The following L2HGDH variants were observed in gnomAD, a reference collection of about 807,000 sequenced individuals.
L2HGDH encodes L-2-hydroxyglutarate dehydrogenase, mitochondrial.
A neutral mutation model predicts 51.5 loss-of-function variants in L2HGDH; 34 were observed. That is an observed-to-expected ratio of 0.66 (90% CI 0.50 to 0.88). The LOEUF is 0.88. Ranked by LOEUF, L2HGDH falls within the 40% of genes least tolerant of loss-of-function variation. The pLI is 0.00. For missense variants in L2HGDH, 558 were observed against 571.9 expected (o/e 0.98, Z 0.25); for synonymous variants, 198 against 197.9 (o/e 1.00, Z -0.01).
intron 1 of L2HGDH, among the ~76,000 whole-genome samples, chr14:50,310,732 T>C (rs902227162): frequency 1.3e-5 from 2 of 151,864 alleles, no homozygotes; most frequent in Non-Finnish European, 2.9e-5. Flanking sequence ...ACATTTTAAG[T>C]ATAAACAAAA....
chr14:50,284,275 C>A (rs2139163790), intron 4 of L2HGDH, among the ~76,000 whole-genome samples: 1 of 152,266 alleles, frequency 6.6e-6, no homozygotes, highest in Non-Finnish European at 1.5e-5. Context: ...TAAATAAGCT[C>A]TAGTGAGATT....
chr14:50,271,835 CA>C (rs1157394732), intron 6 of L2HGDH, among the ~76,000 whole-genome samples: 1 of 151,978 alleles, frequency 6.6e-6, no homozygotes, highest in Admixed American at 6.6e-5. Context: ...ATCCTACCTG[CA>C]AAAATTTATT....
intron 9 of L2HGDH, among the ~76,000 whole-genome samples, chr14:50,250,309 G>A (rs1255668420): frequency 6.6e-6 from 1 of 152,208 alleles, no homozygotes; most frequent in South Asian, 2.1e-4. Flanking sequence ...ACAAGCTGAT[G>A]GAAGAGCCCT....
At chr14:50,292,822 T>A (rs1269189215) in intron 4 of L2HGDH, among the ~76,000 whole-genome samples, 2 of 151,694 alleles carry the variant, frequency 1.3e-5, no homozygotes, top group Non-Finnish European at 2.9e-5. Flanking sequence ...GAGATGGAGG[T>A]TGCAGTAAGC....
chr14:50,274,677 C>T (rs1364598911), intron 6 of L2HGDH, among the ~76,000 whole-genome samples: 1 of 152,138 alleles, frequency 6.6e-6, no homozygotes, highest in African/African-American at 2.4e-5. Flanking sequence ...TTTTCATGTT[C>T]ATTGCAGCAT....
chr14:50,265,208 TCAA>T, intron 9 of L2HGDH, 147 bp downstream of exon 9: 1 of 658,812 alleles, frequency 1.5e-6, no homozygotes, highest in Admixed American at 2.5e-5. Context: ...CAAAGGGAAT[TCAA>T]CAACATGTTG....
chr14:50,287,623 A>G (rs1298760253), intron 4 of L2HGDH, among the ~76,000 whole-genome samples: 1 of 150,754 alleles, frequency 6.6e-6, no homozygotes, highest in Non-Finnish European at 1.5e-5. Flanking sequence ...CACATCAATG[A>G]AAGTTTTTTT....
Position 50,265,497 on chromosome 14 carries a change from CAG to C in L2HGDH, c.1065-10_1065-9del, listed in dbSNP as rs749684679. The C allele has an allele frequency of 5.0e-6, 8 of 1,609,550 alleles. No homozygotes were observed. Among genetic ancestry groups the C allele is most frequent in the Non-Finnish European group, 6.8e-6 (8 of 1,177,426 alleles). On this transcript the variant is annotated splice_polypyrimidine_tract_variant and intron_variant, in intron 8 of 9. Coordinates refer to ENST00000267436, the MANE Select transcript of L2HGDH (RefSeq NM_024884.3). The stretch of plus-strand genomic sequence containing the variant: ...GCCAGTTTAATCAAGCCACTGAAAA[CAG>C]AGAAAAAAAATCTTTATGAGAGAAA...
At chr14:50,247,368 G>T in intron 9 of L2HGDH, 115 bp from the exon 10 acceptor site, 1 of 1,490,110 alleles carries the variant, frequency 6.7e-7, no homozygotes, top group Middle Eastern at 2.3e-4. Flanking sequence ...ACAATTATAT[G>T]GAAACCCAAT....
At position 50,283,866 on chromosome 14, in the gene L2HGDH, C is replaced by A; in HGVS notation, c.703+5G>T. ...TATTCAATAGAAAAGACAAGGATGG[C>A]TTACCATCTATACTTCTTGAAGGAC... On this transcript the variant is annotated splice_donor_5th_base_variant and intron_variant, in intron 5 of 9. Transcript: ENST00000267436. 1 of 1,613,344 alleles carries A rather than the reference C, an allele frequency of 6.2e-7. No individual in the cohort carries two copies. Among genetic ancestry groups the A allele is most frequent in the Non-Finnish European group, 8.5e-7 (1 of 1,179,430 alleles).
chr14:50,283,184 G>C (rs1359773145), intron 5 of L2HGDH, among the ~76,000 whole-genome samples: 2 of 151,342 alleles, frequency 1.3e-5, no homozygotes, highest in African/African-American at 4.9e-5. Flanking sequence ...CTAGGCAACA[G>C]AGCAAGACCC....
intron 1 of L2HGDH, among the ~76,000 whole-genome samples, chr14:50,310,116 C>A (rs1276721368): frequency 6.6e-6 from 1 of 152,074 alleles, no homozygotes; most frequent in Non-Finnish European, 1.5e-5. Context: ...TGAACAATGT[C>A]CGTGGATTTT....
chr14:50,263,469 A>G (rs75408779), intron 9 of L2HGDH, among the ~76,000 whole-genome samples: 1,547 of 152,342 alleles, frequency 0.01, 22 homozygotes, highest in African/African-American at 0.035. Context: ...ACGCTCCCCT[A>G]AGAGAGACAG....
intron 9 of L2HGDH, among the ~76,000 whole-genome samples, chr14:50,254,429 G>GCA (rs1220056074): frequency 6.6e-6 from 1 of 152,106 alleles, no homozygotes; most frequent in Non-Finnish European, 1.5e-5. Context: ...GGGTAGAGAC[G>GCA]CATATGTTTA....
In L2HGDH at chr14:50,269,281, G is replaced by A. The variant is rs1315659648; in HGVS notation, c.788C>T (p.Ser263Leu). ...GCCACTCAACTCTGAAATACGGTCT[G>A]AGTAAAGTCCTGCACATGTCACAAC... is the stretch of plus-strand genomic sequence containing the variant. ...QYVVTCAGLY[S>L]DRISELSGCT... is the part of the protein sequence containing the mutation. The change falls in exon 7 of 10, where the codon TCA (serine) becomes TTA (leucine). Residue 263 changes from serine to leucine, a missense_variant. This residue lies in a region of L2HGDH where 321 missense variants were observed against 311.8 expected (regional missense o/e 1.03). Coordinates refer to ENST00000267436, the MANE Select transcript of L2HGDH (RefSeq NM_024884.3). 10 of 1,614,066 alleles carry A rather than the reference G, an allele frequency of 6.2e-6. No individual in the cohort carries two copies. The highest frequency in any genetic ancestry group is 8.5e-6 in the Non-Finnish European group (10 of 1,179,984).
chr14:50,287,676 A>G (rs1460694181), intron 4 of L2HGDH, among the ~76,000 whole-genome samples: 1 of 99,508 alleles, frequency 1.0e-5, no homozygotes, highest in Non-Finnish European at 2.2e-5. Context: ...ACATAATTAT[A>G]TTTTTATTTT....
At chr14:50,274,173 G>A (rs1326173497) in intron 6 of L2HGDH, among the ~76,000 whole-genome samples, 2 of 152,042 alleles carry the variant, frequency 1.3e-5, no homozygotes, top group African/African-American at 4.8e-5. Flanking sequence ...CAGCTACCTG[G>A]GAGGCTGAGG....
At chr14:50,264,184 C>A (rs1487476500) in intron 9 of L2HGDH, among the ~76,000 whole-genome samples, 2 of 150,540 alleles carry the variant, frequency 1.3e-5, no homozygotes, top group African/African-American at 4.9e-5. Context: ...GTTTGAGACC[C>A]GCCTGGCTAA....
At chr14:50,297,688 A>AT (rs1222656182) in intron 3 of L2HGDH, among the ~76,000 whole-genome samples, 2 of 152,102 alleles carry the variant, frequency 1.3e-5, no homozygotes, top group Admixed American at 6.6e-5. Context: ...GGTCTTTAAA[A>AT]TTTTTTTTAA....
Sources: gnomAD v4.1 joint callset for allele counts (sites outside exome capture counted in the v4.1 genomes callset) on GRCh38, gnomAD v4.1.1 for gene constraint, gnomAD v4.1.1 regional missense constraint, MANE v1.5 for transcripts, NCBI Gene and HGNC (gene_info 2026-07-23, HGNC 2026-07-21) for gene names.